Variants in CCAR1 observed in about 807,000 individuals in gnomAD.
CCAR1 encodes cell division cycle and apoptosis regulator 1.
Under a neutral mutation model 163.8 loss-of-function variants are expected in CCAR1, and 78 were observed. The ratio of observed to expected loss-of-function variants is 0.48; its 90% CI spans 0.40 to 0.57. CCAR1 has a LOEUF of 0.57. CCAR1 is among the 20% of genes least tolerant of loss of function. The pLI, the probability that CCAR1 is intolerant of heterozygous loss-of-function variation, is 0.00. For missense variants in CCAR1, 1,019 were observed against 1,365.2 expected, an observed-to-expected ratio of 0.75 and a Z score of 4.00; for synonymous variants, 443 against 460.7, an observed-to-expected ratio of 0.96 and a Z score of 0.49.
intron 2 of CCAR1, among the ~76,000 whole-genome samples, chr10:68,727,576 T>C (rs1038031833): frequency 8.5e-5 from 13 of 152,184 alleles, no homozygotes; most frequent in African/African-American, 2.9e-4. Context: ...AGGTCTTATT[T>C]TTGTGGCCCT....
Position 68,741,141 on chromosome 10 carries a change from G to A in CCAR1, c.324+480G>A, listed in dbSNP as rs115605095. 6.1e-3 allele frequency among the ~76,000 whole-genome samples: 927 copies of A among 151,902 alleles called. 7 individuals are homozygous for A. The highest frequency in any genetic ancestry group is 0.021 in the African/African-American group (886 of 41,462). ...GCTAGCCAAGCTGGTCTCGCCTAAG[G>A]TCCAGACCTTAGGTGATCTACCTGC... On this transcript the variant is annotated intron_variant, in intron 5 of 24. Transcript: ENST00000265872.
At chr10:68,749,069 T>A in intron 8 of CCAR1, 67 bp from the exon 9 acceptor site, 1 of 1,582,020 alleles carries the variant, frequency 6.3e-7, no homozygotes, top group Non-Finnish European at 8.6e-7. Context: ...TTCCTCTAAT[T>A]TTATCAGGTA....
chr10:68,784,915 C>CTTTTTTTTTTTTT (rs754185332), intron 19 of CCAR1, among the ~76,000 whole-genome samples: 3 of 124,756 alleles, frequency 2.4e-5, no homozygotes, highest in African/African-American at 9.7e-5. Flanking sequence ...GTGAACATAA[C>CTTTTTTTTTTTTT]TTTTTTTTTT....
intron 1 of CCAR1, among the ~76,000 whole-genome samples, chr10:68,721,816 G>C (rs929808800): frequency 1.2e-4 from 18 of 152,192 alleles, no homozygotes; most frequent in African/African-American, 4.3e-4. Context: ...CGGCCGAGGA[G>C]GGGGTGCACG....
intron 19 of CCAR1, among the ~76,000 whole-genome samples, chr10:68,782,547 C>G (rs2056749059): frequency 6.6e-6 from 1 of 152,188 alleles, no homozygotes; most frequent in Non-Finnish European, 1.5e-5. Flanking sequence ...GCTGAAGATG[C>G]CATCTTAAGA....
At chr10:68,767,323 G>C (rs181514639) in intron 17 of CCAR1, among the ~76,000 whole-genome samples, 2 of 151,882 alleles carry the variant, frequency 1.3e-5, no homozygotes, top group Admixed American at 6.6e-5. Context: ...AATGGAATAC[G>C]ATGGCACAAT....
At chr10:68,736,671 A>G (rs1485042623) in intron 2 of CCAR1, among the ~76,000 whole-genome samples, 1 of 152,168 alleles carries the variant, frequency 6.6e-6, no homozygotes, top group Non-Finnish European at 1.5e-5. Flanking sequence ...TTAAGGCTGA[A>G]TAGTATTCCC....
At chr10:68,776,669 C>T (rs2133411972) in intron 19 of CCAR1, among the ~76,000 whole-genome samples, 1 of 152,346 alleles carries the variant, frequency 6.6e-6, no homozygotes, top group Middle Eastern at 3.4e-3. Context: ...TCCTCCTCCT[C>T]AGCTTCCTGA....
At chr10:68,744,029 G>A (rs567635608) in intron 6 of CCAR1, among the ~76,000 whole-genome samples, 9 of 152,222 alleles carry the variant, frequency 5.9e-5, no homozygotes, top group Admixed American at 3.3e-4. Context: ...GATTACAGGC[G>A]TAAGCCACTA....
At chr10:68,776,807 C>T (rs1309311092) in intron 19 of CCAR1, among the ~76,000 whole-genome samples, 9 of 152,128 alleles carry the variant, frequency 5.9e-5, no homozygotes, top group Admixed American at 3.3e-4. Context: ...CCTTGGCCTC[C>T]CAAAAGTGCT....
chr10:68,782,036 A>G (rs1357450570), intron 19 of CCAR1, among the ~76,000 whole-genome samples: 1 of 152,074 alleles, frequency 6.6e-6, no homozygotes, highest in East Asian at 1.9e-4. Context: ...AGGAAACTCA[A>G]AGTGCTACTC....
chr10:68,728,488 G>T (rs2055982122), intron 2 of CCAR1, among the ~76,000 whole-genome samples: 1 of 152,002 alleles, frequency 6.6e-6, no homozygotes, highest in Non-Finnish European at 1.5e-5. Context: ...ACTGCCTAAG[G>T]GGATTGGCCA....
chr10:68,778,376 A>C (rs1477470244), intron 19 of CCAR1, among the ~76,000 whole-genome samples: 2 of 152,130 alleles, frequency 1.3e-5, no homozygotes, highest in Non-Finnish European at 2.9e-5. Flanking sequence ...TTCTGCTAGC[A>C]GGGTCTTTCC....
intron 4 of CCAR1, 42 bp downstream of exon 4, chr10:68,737,931 G>A (rs375512592): frequency 3.7e-5 from 48 of 1,310,828 alleles, no homozygotes; most frequent in South Asian, 3.0e-4. Context: ...TTTTAAAATA[G>A]CCATTTGCTC....
intron 2 of CCAR1, among the ~76,000 whole-genome samples, chr10:68,733,322 G>A (rs1162669516): frequency 6.6e-6 from 1 of 152,036 alleles, no homozygotes; most frequent in Non-Finnish European, 1.5e-5. Flanking sequence ...GAGGGAGGAG[G>A]ATCACCTGAG....
chr10:68,791,540 T>C lies in CCAR1; in HGVS notation c.*274T>C. On this transcript the variant is annotated 3_prime_UTR_variant, in exon 25 of 25. Transcript: ENST00000265872. The stretch of plus-strand genomic sequence containing the variant: ...TGTTATAGTTTTAACTCCAATAAAG[T>C]TCATCAGTTTAATTGACTGTAGTAT... 4.7e-6 allele frequency: 1 copy of C among 211,030 alleles called. No individual in the cohort carries two copies. Among genetic ancestry groups the C allele is most frequent in the East Asian group, 1.0e-4 (1 of 9,988 alleles). 13.1% of individuals were successfully genotyped at this position (211,030 alleles called of 1,614,324 possible).
At chr10:68,766,325 C>T (rs1405464905) in intron 17 of CCAR1, among the ~76,000 whole-genome samples, 5 of 151,826 alleles carry the variant, frequency 3.3e-5, no homozygotes, top group Non-Finnish European at 7.4e-5. Flanking sequence ...ACCTCAGCCT[C>T]CTGAGTAGCT....
intron 18 of CCAR1, among the ~76,000 whole-genome samples, 176 bp from the exon 19 acceptor site, chr10:68,772,812 T>C (rs1564548307): frequency 6.7e-6 from 1 of 150,220 alleles, no homozygotes; most frequent in African/African-American, 2.4e-5. Context: ...GTTATGATAA[T>C]ATAATAATAA....
At chr10:68,735,920 T>A (rs1047201981) in intron 2 of CCAR1, 2 of 152,162 alleles carry the variant, frequency 1.3e-5, no homozygotes, top group African/African-American at 4.8e-5. Flanking sequence ...AGTGGTGATC[T>A]CAGCTCACTG....
Sources: allele counts gnomAD v4.1 joint callset (sites outside exome capture counted in the v4.1 genomes callset), GRCh38; gene constraint gnomAD v4.1.1; transcripts MANE v1.5; gene names NCBI Gene and HGNC (gene_info 2026-07-23, HGNC 2026-07-21).